RBM46: variants seen among roughly 807,000 people sequenced by gnomAD.
The protein encoded by RBM46 is probable RNA-binding protein 46.
A neutral mutation model predicts 43.3 loss-of-function variants in RBM46; 12 were observed. The observed-to-expected ratio is 0.28, with a 90% CI of 0.18 to 0.45. The LOEUF is 0.45. Ranked by LOEUF, RBM46 falls within the 20% of genes least tolerant of loss-of-function variation. RBM46 has a pLI of 1.00. For missense variants in RBM46, 412 were observed against 639.1 expected (o/e 0.64, Z 3.83); for synonymous variants, 205 against 207.6 (o/e 0.99, Z 0.11).
intron 4 of RBM46, among the ~76,000 whole-genome samples, chr4:154,815,329 T>C (rs1002852693): frequency 1.3e-5 from 2 of 151,938 alleles, no homozygotes; most frequent in Non-Finnish European, 2.9e-5. Flanking sequence ...ACATTCCTGT[T>C]GAATATATAG....
In RBM46 at chr4:154,821,277, A is replaced by G. The variant is rs189011374; in HGVS notation, c.1403-6591A>G. ...CTTAGAGGTCCTTACAACTTTTTAT[A>G]GTTCAAAATTTGAATTACAAGGACT... On this transcript the variant is annotated intron_variant, in intron 4 of 4. Transcript: ENST00000281722. 2.6e-5 allele frequency among the ~76,000 whole-genome samples: 4 copies of G among 151,980 alleles called. No homozygotes were observed. The East Asian group carries it at 7.7e-4, about 29-fold the overall frequency.
intron 1 of RBM46, chr4:154,790,247 T>C (rs575165333): frequency 3.9e-5 from 6 of 152,362 alleles, no homozygotes; most frequent in Admixed American, 3.9e-4. Context: ...TCTGTAGTTC[T>C]TTTAATTGTG....
At position 154,828,140 on chromosome 4, in the gene RBM46, T is replaced by G; in HGVS notation, c.*73T>G. The G allele has an allele frequency of 8.6e-7, 1 of 1,168,642 alleles. No individual in the cohort carries two copies. The highest frequency in any genetic ancestry group is 1.3e-6 in the Non-Finnish European group (1 of 783,218). 72.4% of individuals were successfully genotyped at this position (1,168,642 alleles called of 1,614,324 possible). A position where few individuals can be genotyped will look rare whatever the true frequency, so the allele number is the denominator to read the frequency against. On this transcript the variant is annotated 3_prime_UTR_variant, in exon 5 of 5. Coordinates refer to ENST00000281722, the MANE Select transcript of RBM46 (RefSeq NM_144979.5). ...AAAACTTGCAAATTAAAATATTGTT[T>G]TATTTTAGAATCGGGTTTGCATATT...
chr4:154,810,831 A>G (rs1178782583), intron 4 of RBM46, among the ~76,000 whole-genome samples: 1 of 152,158 alleles, frequency 6.6e-6, no homozygotes, highest in Non-Finnish European at 1.5e-5. Flanking sequence ...TTACTTTTTA[A>G]TTTACTTTTT....
At position 154,811,703 on chromosome 4, in the gene RBM46, CAG is replaced by C. The variant is rs1216229149; in HGVS notation, c.1402+12142_1402+12143del. Among the ~76,000 whole-genome samples the C allele has an allele frequency of 1.3e-4, 13 of 98,034 alleles. No homozygotes were observed. In the East Asian group the frequency reaches 2.4e-3, roughly 18 times the overall value. 64.3% of individuals were successfully genotyped at this position (98,034 alleles called of 152,430 possible). A position where few individuals can be genotyped will look rare whatever the true frequency, so the allele number is the denominator to read the frequency against. ...TGTGTGTGTGTGTGTGTGTGTGTGA[CAG>C]AGTTTCGCTGTGTCACCCAGGCTGG... is the stretch of plus-strand genomic sequence containing the variant. On this transcript the variant is annotated intron_variant, in intron 4 of 4. Coordinates refer to ENST00000281722, the MANE Select transcript of RBM46 (RefSeq NM_144979.5).
At chr4:154,820,220 C>T (rs1186434320) in intron 4 of RBM46, 5 of 433,532 alleles carry the variant, frequency 1.2e-5, no homozygotes, top group Admixed American at 4.2e-5. Flanking sequence ...CTATTTGCCC[C>T]TTACTTCTTT....
At position 154,819,261 on chromosome 4, in the gene RBM46, A is replaced by T. The variant is rs185575779; in HGVS notation, c.1403-8607A>T. ...CTAGGCAGGAATTGAAGTTAAATTTAGTCTCTGTTAAAGTTTGTCTGTTTC... is the reference window on the plus strand; with the variant it reads ...CTAGGCAGGAATTGAAGTTAAATTTTGTCTCTGTTAAAGTTTGTCTGTTTC... On this transcript the variant is annotated intron_variant, in intron 4 of 4. Coordinates refer to ENST00000281722, the MANE Select transcript of RBM46 (RefSeq NM_144979.5). 2.8e-3 allele frequency among the ~76,000 whole-genome samples: 420 copies of T among 152,344 alleles called. 6 individuals carry two copies. The highest frequency in any genetic ancestry group is 9.1e-3 in the African/African-American group (378 of 41,588).
intron 1 of RBM46, among the ~76,000 whole-genome samples, chr4:154,796,187 G>A (rs1734342782): frequency 6.6e-6 from 1 of 152,038 alleles, no homozygotes; most frequent in Non-Finnish European, 1.5e-5. Flanking sequence ...ATAAATATCT[G>A]ATAAAATCTT....
At chr4:154,790,723 A>G (rs1734044160) in intron 1 of RBM46, among the ~76,000 whole-genome samples, 1 of 152,252 alleles carries the variant, frequency 6.6e-6, no homozygotes, top group Non-Finnish European at 1.5e-5. Flanking sequence ...ATATTTGGAC[A>G]GATAGCTCTT....
intron 4 of RBM46, chr4:154,820,449 T>C: frequency 1.6e-6 from 2 of 1,251,036 alleles, no homozygotes; most frequent in Non-Finnish European, 2.2e-6. Flanking sequence ...TAAAACTCTC[T>C]TAGGAATATT....
chr4:154,813,936 A>G (rs1425573274), intron 4 of RBM46, among the ~76,000 whole-genome samples: 4 of 152,024 alleles, frequency 2.6e-5, no homozygotes, highest in African/African-American at 9.7e-5. Context: ...ATTTATATGG[A>G]ATTTTCTGTC....
At chr4:154,799,755 CTTTTTTT>C (rs35629123) in intron 4 of RBM46, among the ~76,000 whole-genome samples, 191 bp downstream of exon 4, 2 of 114,660 alleles carry the variant, frequency 1.7e-5, no homozygotes, top group Admixed American at 9.3e-5. Flanking sequence ...TTTAGCTTTT[CTTTTTTT>C]TTTTTTTTTT....
intron 1 of RBM46, among the ~76,000 whole-genome samples, chr4:154,795,455 A>G (rs1734302996): frequency 6.6e-6 from 1 of 152,070 alleles, no homozygotes; most frequent in Non-Finnish European, 1.5e-5. Flanking sequence ...TTTGCCTTCT[A>G]AAGTATTTTT....
intron 1 of RBM46, among the ~76,000 whole-genome samples, chr4:154,784,815 C>G (rs1398649014): frequency 6.6e-6 from 1 of 152,158 alleles, no homozygotes; most frequent in Non-Finnish European, 1.5e-5. Flanking sequence ...CAAATTAAGT[C>G]TGGAAGCCTC....
intron 1 of RBM46, 161 bp downstream of exon 1, chr4:154,781,597 A>T (rs1733465046): frequency 6.6e-6 from 1 of 152,242 alleles, no homozygotes; most frequent in South Asian, 2.1e-4. Flanking sequence ...TGGGAGGGCA[A>T]GTGTCCGAGA....
chr4:154,792,249 A>C (rs1734131771), intron 1 of RBM46, among the ~76,000 whole-genome samples: 1 of 145,486 alleles, frequency 6.9e-6, no homozygotes, highest in Non-Finnish European at 1.5e-5. Flanking sequence ...ACAGATTACT[A>C]TAAATAATAA....
At chr4:154,804,053 C>CT in intron 4 of RBM46, among the ~76,000 whole-genome samples, 1 of 152,178 alleles carries the variant, frequency 6.6e-6, no homozygotes. Flanking sequence ...TGGGATGTGC[C>CT]TGCCTCTGCT....
At chr4:154,827,620 C>T in intron 4 of RBM46, 1 of 1,249,162 alleles carries the variant, frequency 8.0e-7, no homozygotes. Flanking sequence ...AGTAGATATC[C>T]AAGAATTCAT....
intron 1 of RBM46, among the ~76,000 whole-genome samples, chr4:154,787,933 A>G (rs1733865311): frequency 6.6e-6 from 1 of 152,192 alleles, no homozygotes; most frequent in South Asian, 2.1e-4. Context: ...TCTGATGGCC[A>G]GTGATGATGA....
Sources: gnomAD v4.1 joint callset for allele counts (sites outside exome capture counted in the v4.1 genomes callset) on GRCh38, gnomAD v4.1.1 for gene constraint, MANE v1.5 for transcripts, NCBI Gene and HGNC (gene_info 2026-07-23, HGNC 2026-07-21) for gene names.